The following RIMS1 variants were observed in gnomAD, a reference collection of about 807,000 sequenced individuals.
RIMS1 encodes the protein regulating synaptic membrane exocytosis protein 1.
Under a neutral mutation model 214.1 loss-of-function variants are expected in RIMS1, and 83 were observed. The observed-to-expected ratio is 0.39, with a 90% CI of 0.32 to 0.47. The LOEUF is 0.47. Among genes scored for constraint, RIMS1 ranks in the 20% least tolerant of loss-of-function variants. The probability of loss-of-function intolerance (pLI) is 0.99; values close to 1 mark genes in which losing one functional copy is unlikely to be tolerated. For missense variants in RIMS1, 2,050 were observed against 2,161.8 expected, an observed-to-expected ratio of 0.95 and a Z score of 1.03; for synonymous variants, 793 against 786.8, an observed-to-expected ratio of 1.01 and a Z score of -0.13.
rs745568882 is a variant in RIMS1, at chr6:72,290,804, G to A, written c.3680G>A (p.Cys1227Tyr). 5.3e-5 allele frequency: 85 copies of A among 1,613,598 alleles called. No individual in the cohort carries two copies. Among genetic ancestry groups the A allele is most frequent in the Non-Finnish European group, 6.7e-5 (79 of 1,179,798 alleles). ...SSEHSSIRTL[C>Y]SMHHLVPGGS... ...GAGCACTCTAGTATCAGAACACTGT[G>A]TTCTATGCACCACCTTGTCCCTGGA... The change falls in exon 25 of 34, where the codon TGT becomes TAT. Residue 1227 changes from cysteine (C) to tyrosine (Y), a missense_variant. Around this residue, in one of 6 missense-constraint regions of RIMS1, gnomAD observed 889 missense variants for 885.5 expected, o/e 1.00. Transcript: ENST00000521978.
chr6:72,244,141 C>T lies in RIMS1; in HGVS notation c.2082-1674C>T, dbSNP rs542368792. Among the ~76,000 whole-genome samples, 5 of 151,740 alleles carry T rather than the reference C, an allele frequency of 3.3e-5. No individual in the cohort carries two copies. The East Asian group carries it at 5.8e-4, about 18-fold the overall frequency. On this transcript the variant is annotated intron_variant, in intron 10 of 33. Coordinates refer to ENST00000521978, the MANE Select transcript of RIMS1 (RefSeq NM_014989.7). ...CAGGAATCATTCTAAATATAACTTACAAGCACATTGATCAGTACACACTAA... is the reference window on the plus strand; with the variant it reads ...CAGGAATCATTCTAAATATAACTTATAAGCACATTGATCAGTACACACTAA...
chr6:72,182,805 C>A lies in RIMS1; in HGVS notation c.1334C>A (p.Thr445Lys). The A allele has an allele frequency of 1.3e-6, 2 of 1,548,548 alleles. No individual in the cohort carries two copies. The highest frequency in any genetic ancestry group is 1.2e-5 in the South Asian group (1 of 84,308). The change falls in exon 6 of 34, where the codon ACG becomes AAG. Residue 445 changes from threonine to lysine, a missense_variant. Around this residue, in one of 6 missense-constraint regions of RIMS1, gnomAD observed 882 missense variants for 828.9 expected, o/e 1.06. Transcript: ENST00000521978. ...ETRAPGAKQL[T>K]NHSPPAPRHG... ...AGGGCGCCGGGCGCCAAGCAGCTAA[C>A]GAACCACAGCCCGCCGGCGCCCAGA...
Position 72,367,817 on chromosome 6 carries a change from T to G in RIMS1, c.4367-22781T>G, listed in dbSNP as rs56205951. Reference sequence around the variant, plus strand: ...AAAAGAACTGTCAATCAAAATATGATGGAGAATACTTTTGCAAATGAAGGG... The same window carrying G: ...AAAAGAACTGTCAATCAAAATATGAGGGAGAATACTTTTGCAAATGAAGGG... On this transcript the variant is annotated intron_variant, in intron 29 of 33. Transcript: ENST00000521978. Among the ~76,000 whole-genome samples, 452 of 152,326 alleles carry G rather than the reference T, an allele frequency of 3.0e-3. 2 individuals are homozygous for G. The highest frequency in any genetic ancestry group is 0.01 in the African/African-American group (418 of 41,576).
At chr6:72,195,948 A>C (rs1254421742) in intron 6 of RIMS1, among the ~76,000 whole-genome samples, 1 of 152,036 alleles carries the variant, frequency 6.6e-6, no homozygotes, top group Admixed American at 6.6e-5. Flanking sequence ...GATACTTATA[A>C]AACCATCAGA....
intron 1 of RIMS1, among the ~76,000 whole-genome samples, chr6:71,958,897 A>G (rs990528436): frequency 6.6e-6 from 1 of 152,130 alleles, no homozygotes; most frequent in Admixed American, 6.6e-5. Flanking sequence ...TCATATTTCC[A>G]TCAATTTGGA....
chr6:72,108,134 C>T (rs969211042), intron 4 of RIMS1, among the ~76,000 whole-genome samples: 1 of 152,246 alleles, frequency 6.6e-6, no homozygotes, highest in Middle Eastern at 3.4e-3. Context: ...ATCATCCTAC[C>T]TCACCCTTCT....
intron 2 of RIMS1, among the ~76,000 whole-genome samples, chr6:72,040,218 T>C (rs1246173213): frequency 6.6e-6 from 1 of 152,108 alleles, no homozygotes; most frequent in Admixed American, 6.6e-5. Flanking sequence ...CTTTGTATTC[T>C]TATGTCCCAT....
rs367966854 is a variant in RIMS1, at chr6:72,253,101, A to G, written c.2770+269A>G. Among the ~76,000 whole-genome samples the G allele has an allele frequency of 3.3e-5, 5 of 152,192 alleles. No individual in the cohort carries two copies. In the East Asian group the frequency reaches 7.7e-4, roughly 23 times the overall value. ...CATTATTTCACAATGCTCTGAGCGT[A>G]AGTGAAAATACGAATTTTATTTTGA... On this transcript the variant is annotated intron_variant, in intron 16 of 33. Coordinates refer to ENST00000521978, the MANE Select transcript of RIMS1 (RefSeq NM_014989.7).
intron 1 of RIMS1, among the ~76,000 whole-genome samples, chr6:71,911,896 C>A (rs546202655): frequency 6.6e-6 from 1 of 152,208 alleles, no homozygotes; most frequent in South Asian, 2.1e-4. Flanking sequence ...AATTTGACCT[C>A]CCTTTACCTT....
At chr6:72,281,232 T>TCC (rs2089968940) in intron 23 of RIMS1, among the ~76,000 whole-genome samples, 1 of 152,088 alleles carries the variant, frequency 6.6e-6, no homozygotes, top group Non-Finnish European at 1.5e-5. Context: ...TTAAAAAGGA[T>TCC]AAAAGAGTAG....
At chr6:71,962,595 C>T (rs1010568238) in intron 1 of RIMS1, among the ~76,000 whole-genome samples, 2 of 152,100 alleles carry the variant, frequency 1.3e-5, no homozygotes, top group Non-Finnish European at 2.9e-5. Flanking sequence ...TTCACTGTTC[C>T]ATCTTCATCT....
chr6:72,272,273 A>G (rs1446006317), intron 22 of RIMS1, among the ~76,000 whole-genome samples: 1 of 152,180 alleles, frequency 6.6e-6, no homozygotes, highest in Non-Finnish European at 1.5e-5. Flanking sequence ...AGGGAAAAAA[A>G]CCAGAAGTAG....
intron 22 of RIMS1, chr6:72,266,407 G>T (rs1271851613): frequency 3.2e-6 from 1 of 308,130 alleles, no homozygotes; most frequent in African/African-American, 2.2e-5. Flanking sequence ...ATCCGAAGGG[G>T]AGGATCACTT....
chr6:72,159,691 G>C (rs2045024528), intron 4 of RIMS1, among the ~76,000 whole-genome samples: 1 of 140,072 alleles, frequency 7.1e-6, no homozygotes, highest in Non-Finnish European at 1.6e-5. Context: ...TCAAAGATCA[G>C]ATAGTTGTAG....
intron 31 of RIMS1, among the ~76,000 whole-genome samples, chr6:72,393,995 G>A (rs796610676): frequency 3.5e-5 from 5 of 142,136 alleles, no homozygotes; most frequent in East Asian, 4.1e-4. Flanking sequence ...TTGACCAAAC[G>A]AACTAAACGA....
At chr6:72,185,033 T>C (rs1445906954) in intron 6 of RIMS1, among the ~76,000 whole-genome samples, 2 of 152,196 alleles carry the variant, frequency 1.3e-5, no homozygotes, top group South Asian at 2.1e-4. Flanking sequence ...AGGAAGAACA[T>C]TGCTAGTAAG....
intron 16 of RIMS1, among the ~76,000 whole-genome samples, chr6:72,256,512 T>C (rs2075936852): frequency 6.6e-6 from 1 of 152,110 alleles, no homozygotes. Context: ...ATTTATTCTG[T>C]AATAATTAAT....
chr6:72,072,130 G>GT (rs1332889897), intron 2 of RIMS1, among the ~76,000 whole-genome samples: 1 of 152,192 alleles, frequency 6.6e-6, no homozygotes, highest in African/African-American at 2.4e-5. Flanking sequence ...TCAGGATGAT[G>GT]TTGAAGGGAT....
Position 72,235,590 on chromosome 6 carries a change from C to T in RIMS1, c.1747-28C>T, listed in dbSNP as rs772174148. On this transcript the variant is annotated intron_variant, in intron 7 of 33. Transcript: ENST00000521978. ...AATGCATTACATTCTGTATATATTA[C>T]TTTTTAAACTCATTCATGTTTTAAC... 4.8e-6 allele frequency: 7 copies of T among 1,453,002 alleles called. No individual in the cohort carries two copies. The South Asian group carries it at 7.1e-5, about 15-fold the overall frequency. 90.0% of individuals were successfully genotyped at this position (1,453,002 alleles called of 1,614,324 possible).
Sources: gnomAD v4.1 joint callset for allele counts (sites outside exome capture counted in the v4.1 genomes callset) on GRCh38, gnomAD v4.1.1 for gene constraint, gnomAD v4.1.1 regional missense constraint, MANE v1.5 for transcripts, NCBI Gene and HGNC (gene_info 2026-07-23, HGNC 2026-07-21) for gene names.